The following SORL1 variants were observed in gnomAD, a reference collection of about 807,000 sequenced individuals.
The protein encoded by SORL1 is sortilin related receptor 1.
SORL1 carries 127 observed loss-of-function variants against 273.7 expected under a neutral mutation model. The observed-to-expected ratio is 0.46, with a 90% CI of 0.40 to 0.54. The LOEUF (loss-of-function observed/expected upper bound fraction) is 0.54. SORL1 is among the 20% of genes least tolerant of loss of function. The pLI, the probability that SORL1 is intolerant of heterozygous loss-of-function variation, is 0.00. For missense variants in SORL1, 2,494 were observed against 2,846.1 expected, an observed-to-expected ratio of 0.88 and a Z score of 2.81; for synonymous variants, 1,031 against 1,067.4, an observed-to-expected ratio of 0.97 and a Z score of 0.66.
At chr11:121,467,186 C>T (rs1216754198) in intron 1 of SORL1, among the ~76,000 whole-genome samples, 5 of 151,962 alleles carry the variant, frequency 3.3e-5, no homozygotes, top group Non-Finnish European at 5.9e-5. Context: ...CCCGCCACCA[C>T]GCCCGGCTAA....
In SORL1 at chr11:121,588,849, G is replaced by A. The variant is rs772514316; in HGVS notation, c.3947-410G>A. On this transcript the variant is annotated intron_variant, in intron 28 of 47. Coordinates refer to ENST00000260197, the MANE Select transcript of SORL1 (RefSeq NM_003105.6). The stretch of plus-strand genomic sequence containing the variant: ...CTGCCTTCTCCCTGGCTCTTCACAC[G>A]GTCTTTCCTCTGTACACATCTGTGT... Among the ~76,000 whole-genome samples, 24 of 152,046 alleles carry A rather than the reference G, an allele frequency of 1.6e-4. 1 individual carries two copies. Among genetic ancestry groups the A allele is most frequent in the Admixed American group, 1.4e-3 (21 of 15,264 alleles).
intron 21 of SORL1, among the ~76,000 whole-genome samples, chr11:121,560,452 A>G (rs992851759): frequency 3.3e-5 from 5 of 152,156 alleles, no homozygotes; most frequent in African/African-American, 1.2e-4. Flanking sequence ...CAGCCATACT[A>G]TTGATTCTAG....
chr11:121,614,563 T>C (rs1863612522), intron 40 of SORL1: 1 of 262,104 alleles, frequency 3.8e-6, no homozygotes, highest in African/African-American at 2.3e-5. Flanking sequence ...ATAACTGGAT[T>C]GAAGGGTATG....
chr11:121,554,651 A>G lies in SORL1; in HGVS notation c.2440-536A>G, dbSNP rs573456165. Among the ~76,000 whole-genome samples the G allele has an allele frequency of 3.3e-5, 5 of 152,362 alleles. No homozygotes were observed. The East Asian group carries it at 7.7e-4, about 23-fold the overall frequency. On this transcript the variant is annotated intron_variant, in intron 17 of 47. Coordinates refer to ENST00000260197, the MANE Select transcript of SORL1 (RefSeq NM_003105.6). The surrounding 1 kb of genome is among the most constrained non-coding windows in gnomAD (Gnocchi z 4.6). ...TCTACTTAATCCTTTTAGAAAAGCA[A>G]TTCCAACAAATTTTTATCTAGATTC...
Position 121,598,015 on chromosome 11 carries a change from C to T in SORL1, c.4519+2243C>T, listed in dbSNP as rs373365238. On this transcript the variant is annotated intron_variant, in intron 32 of 47. Transcript: ENST00000260197. Reference sequence around the variant, plus strand: ...TCCAAGGCTCAGAGGCATAAGAAAACAGACCTGTAGAGTGGCTGTGGGTGG... The same window carrying T: ...TCCAAGGCTCAGAGGCATAAGAAAATAGACCTGTAGAGTGGCTGTGGGTGG... Among the ~76,000 whole-genome samples the T allele has an allele frequency of 8.5e-5, 13 of 152,254 alleles. No homozygotes were observed. The East Asian group carries it at 2.5e-3, about 29-fold the overall frequency.
chr11:121,614,867 A>G lies in SORL1; in HGVS notation c.5420-4A>G, dbSNP rs747925028. On this transcript the variant is annotated splice_polypyrimidine_tract_variant and splice_region_variant and intron_variant, in intron 40 of 47. Coordinates refer to ENST00000260197, the MANE Select transcript of SORL1 (RefSeq NM_003105.6). ...CCTGGAATCTCCTTTTCCTGTTTTC[A>G]CAGTTGGCAATCTGACAGCTCATAC... 6.2e-7 allele frequency: 1 copy of G among 1,611,370 alleles called. No individual in the cohort carries two copies.
At position 121,618,861 on chromosome 11, in the gene SORL1, A is replaced by G. The variant is rs1163800086; in HGVS notation, c.5692A>G (p.Ile1898Val). The change falls in exon 42 of 48, where the codon ATT becomes GTT. Residue 1898 changes from isoleucine (I) to valine (V), a missense_variant. Physicochemically the swap from Ile to Val is conservative, Grantham distance 29. Transcript: ENST00000260197. ...TACTTCACTCCACAACAAGACGGTCATTGTCAGTAAGGATGAGCAGTATTT... is the reference window on the plus strand; with the variant it reads ...TACTTCACTCCACAACAAGACGGTCGTTGTCAGTAAGGATGAGCAGTATTT... ...LTTSLHNKTV[I>V]VSKDEQYLFL... The G allele has an allele frequency of 6.2e-7, 1 of 1,614,172 alleles. No homozygotes were observed. The highest frequency in any genetic ancestry group is 2.2e-5 in the East Asian group (1 of 44,884).
chr11:121,590,011 G>A (rs780571081), intron 29 of SORL1, 29 bp from the exon 30 acceptor site: 1 of 1,611,662 alleles, frequency 6.2e-7, no homozygotes, highest in Non-Finnish European at 8.5e-7. Flanking sequence ...TGCAGGGAAA[G>A]CAACTGATGA....
chr11:121,496,847 CCTT>C lies in SORL1; in HGVS notation c.759-21_759-19del. ...TAATTAAATGTGCAAATGATAACAA[CCTT>C]TTTTTTTTTTTCTGCCAGGGGAATT... On this transcript the variant is annotated intron_variant, in intron 5 of 47. Transcript: ENST00000260197. 1 of 1,549,374 alleles carries C rather than the reference CCTT, an allele frequency of 6.5e-7. No individual in the cohort carries two copies. Among genetic ancestry groups the C allele is most frequent in the Non-Finnish European group, 8.8e-7 (1 of 1,140,896 alleles).
chr11:121,618,503 A>G (rs763070502), intron 41 of SORL1, among the ~76,000 whole-genome samples: 9 of 152,120 alleles, frequency 5.9e-5, no homozygotes, highest in Admixed American at 4.6e-4. Context: ...CTTGTTATTT[A>G]TAATTATGTA....
At chr11:121,578,057 T>A (rs1862962737) in intron 25 of SORL1, among the ~76,000 whole-genome samples, 1 of 152,170 alleles carries the variant, frequency 6.6e-6, no homozygotes, top group Non-Finnish European at 1.5e-5. Flanking sequence ...CATTTTATAA[T>A]CATCACTTTG....
intron 6 of SORL1, among the ~76,000 whole-genome samples, chr11:121,503,858 A>G (rs1269576479): frequency 2.6e-5 from 4 of 152,180 alleles, no homozygotes; most frequent in Admixed American, 6.5e-5. Context: ...TGTATTGGCT[A>G]TTCTGGGTTC....
intron 26 of SORL1, among the ~76,000 whole-genome samples, chr11:121,584,802 C>T (rs1863069822): frequency 6.6e-6 from 1 of 152,130 alleles, no homozygotes; most frequent in Non-Finnish European, 1.5e-5. Flanking sequence ...CCATGTGGCT[C>T]AGGCTGGTCT....
intron 25 of SORL1, among the ~76,000 whole-genome samples, chr11:121,577,703 G>A (rs755180650): frequency 1.1e-4 from 16 of 152,204 alleles, no homozygotes; most frequent in Non-Finnish European, 2.9e-5. Context: ...CAGCCCCTCG[G>A]CTGGGGTCCA....
chr11:121,512,680 C>A (rs986233817), intron 6 of SORL1, among the ~76,000 whole-genome samples: 5 of 152,180 alleles, frequency 3.3e-5, no homozygotes, highest in South Asian at 2.1e-4. Context: ...ATCACACAAT[C>A]CTCTTTCTAT....
chr11:121,468,165 G>C (rs931835977), intron 1 of SORL1, among the ~76,000 whole-genome samples: 3 of 152,112 alleles, frequency 2.0e-5, no homozygotes, highest in African/African-American at 7.2e-5. Flanking sequence ...GTTTTCTGCC[G>C]CAGAGCCTTG....
intron 23 of SORL1, among the ~76,000 whole-genome samples, chr11:121,572,467 A>G (rs1185574279): frequency 6.6e-6 from 1 of 152,158 alleles, no homozygotes; most frequent in African/African-American, 2.4e-5. Context: ...TACACATGTC[A>G]GATGGAGCTG....
intron 6 of SORL1, among the ~76,000 whole-genome samples, chr11:121,502,052 T>C (rs1327423013): frequency 1.3e-5 from 2 of 151,964 alleles, no homozygotes; most frequent in Non-Finnish European, 2.9e-5. Context: ...GTGTGCACGT[T>C]TGTGTGTGAA....
chr11:121,597,652 G>T (rs1466427366), intron 32 of SORL1, among the ~76,000 whole-genome samples: 2 of 152,054 alleles, frequency 1.3e-5, no homozygotes, highest in Admixed American at 1.3e-4. Flanking sequence ...GTACAGACAG[G>T]TTTTGCCATG....
Sources: allele counts gnomAD v4.1 joint callset (sites outside exome capture counted in the v4.1 genomes callset), GRCh38; gene constraint gnomAD v4.1.1; non-coding constraint Gnocchi (gnomAD v3.1); transcripts MANE v1.5; gene names NCBI Gene and HGNC (gene_info 2026-07-23, HGNC 2026-07-21).